The following ZNF609 variants were observed in gnomAD, a reference collection of about 807,000 sequenced individuals.
The protein encoded by ZNF609 is zinc finger protein 609.
A neutral mutation model predicts 109.5 loss-of-function variants in ZNF609; 11 were observed. That is an observed-to-expected ratio of 0.10 (90% CI 0.06 to 0.17). The LOEUF (loss-of-function observed/expected upper bound fraction) is 0.17, where lower values mean the gene tolerates loss of function less well. Among genes scored for constraint, ZNF609 ranks in the 10% least tolerant of loss-of-function variants. The pLI, the probability that ZNF609 is intolerant of heterozygous loss-of-function variation, is 1.00. For missense variants in ZNF609, 1,559 were observed against 1,772.4 expected, an observed-to-expected ratio of 0.88 and a Z score of 2.16; for synonymous variants, 646 against 662.0, an observed-to-expected ratio of 0.98 and a Z score of 0.37.
intron 1 of ZNF609, among the ~76,000 whole-genome samples, chr15:64,475,272 T>C (rs1259666900): frequency 6.6e-6 from 1 of 151,870 alleles, no homozygotes; most frequent in East Asian, 1.9e-4. Context: ...AAAATTTCCT[T>C]CCTGAAGCCT....
In ZNF609 at chr15:64,685,202, ACT is replaced by A. The variant is rs968636194; in HGVS notation, c.*3519_*3520del. ...ATAAATATATATATATACAAACTGT[ACT>A]CTTTTTGCCTTTGTACATTCAGGCA... On this transcript the variant is annotated 3_prime_UTR_variant, in exon 10 of 10. Transcript: ENST00000326648. 3.3e-5 allele frequency: 5 copies of A among 151,204 alleles called. No homozygotes were observed. Among genetic ancestry groups the A allele is most frequent in the African/African-American group, 1.2e-4 (5 of 41,092 alleles). 9.4% of individuals were successfully genotyped at this position (151,204 alleles called of 1,614,324 possible).
At chr15:64,591,685 C>T (rs11071801) in intron 2 of ZNF609, among the ~76,000 whole-genome samples, 119,751 of 151,782 alleles carry the variant, frequency 0.79, 48,945 homozygotes, top group East Asian at 0.96. Context: ...TTGAGAACAG[C>T]CTAGGCAACA....
Position 64,661,653 on chromosome 15 carries a change from T to A in ZNF609, c.974-8693T>A, listed in dbSNP as rs188085632. On this transcript the variant is annotated intron_variant, in intron 3 of 9. Transcript: ENST00000326648. ...CTCTTCCCCTTTCTCTTTTGTTGTC[T>A]CTTATGCTGAGGGCAAGCATCTGGC... is the stretch of plus-strand genomic sequence containing the variant. Among the ~76,000 whole-genome samples the A allele has an allele frequency of 2.2e-3, 341 of 152,322 alleles. 2 individuals are homozygous for A. The highest frequency in any genetic ancestry group is 7.8e-3 in the African/African-American group (324 of 41,576).
intron 1 of ZNF609, among the ~76,000 whole-genome samples, chr15:64,485,958 ATG>A (rs1415952105): frequency 3.3e-5 from 5 of 152,232 alleles, no homozygotes; most frequent in East Asian, 1.9e-4. Context: ...TTTTGTATAT[ATG>A]TGTTTTCAGT....
Position 64,674,338 on chromosome 15 carries a change from T to C in ZNF609, c.1484T>C (p.Ile495Thr). ...LDRNCPSPVL[I>T]DCPHPNCNKK... ...AGAAACTGCCCCTCCCCCGTCCTAATTGACTGTCCCCACCCAAACTGCAAC... is the reference window on the plus strand; with the variant it reads ...AGAAACTGCCCCTCCCCCGTCCTAACTGACTGTCCCCACCCAAACTGCAAC... The change falls in exon 5 of 10, where the codon ATT becomes ACT. Residue 495 changes from isoleucine (I) to threonine (T), a missense_variant. Physicochemically the swap from Ile to Thr is moderately conservative, Grantham distance 89. This residue lies in a region of ZNF609 where 1,204 missense variants were observed against 1,314.1 expected (regional missense o/e 0.92). Coordinates refer to ENST00000326648, the MANE Select transcript of ZNF609 (RefSeq NM_015042.2). 1.2e-6 allele frequency: 2 copies of C among 1,614,078 alleles called. No individual in the cohort carries two copies. The highest frequency in any genetic ancestry group is 1.7e-6 in the Non-Finnish European group (2 of 1,180,024).
At chr15:64,493,087 T>C (rs758099778) in intron 1 of ZNF609, among the ~76,000 whole-genome samples, 2 of 152,130 alleles carry the variant, frequency 1.3e-5, no homozygotes, top group Non-Finnish European at 2.9e-5. Context: ...AGTAGAACAG[T>C]ATTAGACAAT....
rs1433644875 is a variant in ZNF609 at position 64,673,849 on chromosome 15, C to T, written c.1062-67C>T. On this transcript the variant is annotated intron_variant, in intron 4 of 9. Transcript: ENST00000326648. ...ACCATCTGGACAGTTCTGGAGGCTA[C>T]AGCTAAACTGCTTTGAAGATGTTTT... The T allele has an allele frequency of 3.3e-6, 5 of 1,522,836 alleles. No individual in the cohort carries two copies. In the African/African-American group the frequency reaches 5.5e-5, roughly 17 times the overall value. The allele number at this position is 1,522,836 out of a possible 1,614,324, so 94.3% of individuals were successfully genotyped here. A position where few individuals can be genotyped will look rare whatever the true frequency, so the allele number is the denominator to read the frequency against.
chr15:64,571,409 A>G (rs1894858229), intron 2 of ZNF609, among the ~76,000 whole-genome samples: 1 of 152,226 alleles, frequency 6.6e-6, no homozygotes, highest in African/African-American at 2.4e-5. Flanking sequence ...TGTAGAATAC[A>G]TAGAATAATG....
At position 64,683,917 on chromosome 15, in the gene ZNF609, G is replaced by A. The variant is rs1482479528; in HGVS notation, c.*2231G>A. 1 of 152,250 alleles carries A rather than the reference G, an allele frequency of 6.6e-6. No homozygotes were observed. The highest frequency in any genetic ancestry group is 1.5e-5 in the Non-Finnish European group (1 of 68,044). 9.4% of individuals were successfully genotyped at this position (152,250 alleles called of 1,614,324 possible). A position where few individuals can be genotyped will look rare whatever the true frequency, so the allele number is the denominator to read the frequency against. On this transcript the variant is annotated 3_prime_UTR_variant, in exon 10 of 10. Transcript: ENST00000326648. The stretch of plus-strand genomic sequence containing the variant: ...CCACTCATTCTGTAACACAGAGGAC[G>A]AACTTCTGTATTAGCTGGGCAGCCT...
intron 1 of ZNF609, among the ~76,000 whole-genome samples, chr15:64,479,580 C>G (rs946885793): frequency 6.6e-6 from 1 of 151,848 alleles, no homozygotes; most frequent in Non-Finnish European, 1.5e-5. Context: ...CATGAGCCAC[C>G]GCGCCTGGCC....
chr15:64,459,680 T>C (rs1282776582), upstream of ZNF609, among the ~76,000 whole-genome samples: 5 of 152,114 alleles, frequency 3.3e-5, no homozygotes, highest in Non-Finnish European at 7.4e-5. Flanking sequence ...AAGGACATAA[T>C]AGGGGCTAGG....
At position 64,584,918 on chromosome 15, in the gene ZNF609, C is replaced by T. The variant is rs544460261; in HGVS notation, c.748-37909C>T. ...CTGGGATTACAGGCATGAGCCACCA[C>T]GCCTGCCTGCTATTTTTAAAAATAT... is the stretch of plus-strand genomic sequence containing the variant. On this transcript the variant is annotated intron_variant, in intron 2 of 9. Transcript: ENST00000326648. Among the ~76,000 whole-genome samples the T allele has an allele frequency of 3.4e-3, 512 of 151,004 alleles. 4 individuals carry two copies. Among genetic ancestry groups the T allele is most frequent in the African/African-American group, 0.011 (468 of 41,150 alleles).
intron 2 of ZNF609, among the ~76,000 whole-genome samples, chr15:64,531,155 T>G (rs1459591258): frequency 1.3e-5 from 2 of 152,186 alleles, no homozygotes; most frequent in Non-Finnish European, 2.9e-5. Context: ...TTAGGTTATT[T>G]AGCACTTTGT....
At chr15:64,582,900 C>T (rs931559724) in intron 2 of ZNF609, among the ~76,000 whole-genome samples, 26 of 151,188 alleles carry the variant, frequency 1.7e-4, no homozygotes, top group South Asian at 1.5e-3. Context: ...TACAGGCGCC[C>T]GCCATCACGC....
intron 2 of ZNF609, among the ~76,000 whole-genome samples, chr15:64,515,791 A>G (rs1315129540): frequency 6.6e-6 from 1 of 151,606 alleles, no homozygotes; most frequent in African/African-American, 2.4e-5. Context: ...ACAAAAAATT[A>G]GCCGGTCGTG....
chr15:64,496,819 CTT>C (rs574329418), intron 1 of ZNF609, among the ~76,000 whole-genome samples: 6 of 145,984 alleles, frequency 4.1e-5, no homozygotes, highest in African/African-American at 5.0e-5. Context: ...TTTTTTCTTT[CTT>C]TTTTTTTTTT....
intron 2 of ZNF609, among the ~76,000 whole-genome samples, chr15:64,575,390 C>G (rs768102587): frequency 1.4e-4 from 21 of 149,372 alleles, no homozygotes; most frequent in Admixed American, 6.8e-4. Flanking sequence ...CACCATTGCA[C>G]TCCAGCCTGG....
At chr15:64,631,334 T>C (rs1896072659) in intron 3 of ZNF609, 2 of 708,924 alleles carry the variant, frequency 2.8e-6, no homozygotes, top group Non-Finnish European at 5.2e-6. Context: ...ACATTAATTC[T>C]CTTGGCAAGA....
chr15:64,573,686 T>C (rs958664360), intron 2 of ZNF609, among the ~76,000 whole-genome samples: 25 of 152,168 alleles, frequency 1.6e-4, no homozygotes, highest in Admixed American at 1.5e-3. Context: ...TCAATACTTT[T>C]GGACCTTCAG....
Sources: allele counts gnomAD v4.1 joint callset (sites outside exome capture counted in the v4.1 genomes callset), GRCh38; gene constraint gnomAD v4.1.1; regional missense constraint gnomAD v4.1.1; transcripts MANE v1.5; gene names NCBI Gene and HGNC (gene_info 2026-07-23, HGNC 2026-07-21).